DCAF7: variants seen among roughly 807,000 people sequenced by gnomAD.
DCAF7 encodes DDB1- and CUL4-associated factor 7.
Under a neutral mutation model 41.2 loss-of-function variants are expected in DCAF7, and 4 were observed. That is an observed-to-expected ratio of 0.10 (90% CI 0.05 to 0.22). DCAF7 has a LOEUF of 0.22. Among genes scored for constraint, DCAF7 ranks in the 10% least tolerant of loss-of-function variants. The probability of loss-of-function intolerance (pLI) is 1.00; values close to 1 mark genes in which losing one functional copy is unlikely to be tolerated. For synonymous variants in DCAF7, 143 were observed against 164.2 expected (o/e 0.87, Z 0.99); for missense variants, 131 against 443.2 (o/e 0.30, Z 6.32).
intron 1 of DCAF7, among the ~76,000 whole-genome samples, chr17:63,571,811 G>A (rs150879774): frequency 3.6e-4 from 55 of 152,030 alleles, no homozygotes; most frequent in African/African-American, 1.3e-3. Flanking sequence ...ATCACCAGGG[G>A]TGATGAATTC....
intron 6 of DCAF7, among the ~76,000 whole-genome samples, chr17:63,588,542 C>T (rs2033701814): frequency 6.6e-6 from 1 of 151,954 alleles, no homozygotes; most frequent in Non-Finnish European, 1.5e-5. Flanking sequence ...CTTTATCAGT[C>T]TTCTATATAA....
chr17:63,590,933 C>T lies in DCAF7; in HGVS notation c.*1761C>T, dbSNP rs368450553. 1 of 152,168 alleles carries T rather than the reference C, an allele frequency of 6.6e-6. No individual in the cohort carries two copies. Among genetic ancestry groups the T allele is most frequent in the Non-Finnish European group, 1.5e-5 (1 of 68,026 alleles). 9.4% of individuals were successfully genotyped at this position (152,168 alleles called of 1,614,324 possible). On this transcript the variant is annotated 3_prime_UTR_variant, in exon 7 of 7. Coordinates refer to ENST00000614556, the MANE Select transcript of DCAF7 (RefSeq NM_005828.5). Reference sequence around the variant, plus strand: ...GGGACCTGTCCCAAAGAAAAAGGCTCTTTTTTTAGCCAGCATATTTCCCCT... The same window carrying T: ...GGGACCTGTCCCAAAGAAAAAGGCTTTTTTTTTAGCCAGCATATTTCCCCT...
intron 1 of DCAF7, among the ~76,000 whole-genome samples, chr17:63,577,957 G>A (rs2147773617): frequency 6.6e-6 from 1 of 152,300 alleles, no homozygotes; most frequent in Middle Eastern, 3.4e-3. Context: ...AGTGTTGAGT[G>A]TAACCACCCC....
chr17:63,559,421 GTA>G (rs759733619), intron 1 of DCAF7, among the ~76,000 whole-genome samples: 650 of 64,692 alleles, frequency 0.01, 21 homozygotes, highest in Middle Eastern at 0.043. Context: ...ATATATATAC[GTA>G]TATATATATG....
intron 1 of DCAF7, chr17:63,573,137 G>A (rs1478257918): frequency 6.6e-6 from 1 of 151,984 alleles, no homozygotes; most frequent in Non-Finnish European, 1.5e-5. Flanking sequence ...TGTTGTTGTT[G>A]TGTGGGTACA....
chr17:63,585,872 A>G (rs534422783), intron 6 of DCAF7, among the ~76,000 whole-genome samples: 9 of 152,326 alleles, frequency 5.9e-5, no homozygotes, highest in Middle Eastern at 3.4e-3. Context: ...CTGTAATCCC[A>G]GCACTTTGGG....
chr17:63,550,493 C>G lies in DCAF7; in HGVS notation c.-185C>G. 1.9e-5 allele frequency: 18 copies of G among 967,984 alleles called. No individual in the cohort carries two copies. The highest frequency in any genetic ancestry group is 2.0e-5 in the Non-Finnish European group (14 of 688,798). The allele number at this position is 967,984 out of a possible 1,614,324, so 60.0% of individuals were successfully genotyped here. A position where few individuals can be genotyped will look rare whatever the true frequency, so the allele number is the denominator to read the frequency against. The stretch of plus-strand genomic sequence containing the variant: ...AAGGTGGTTGTCGTCCGTTCCCAAG[C>G]TGGTTTGAAACTAGGGGTCGGGCTC... On this transcript the variant is annotated 5_prime_UTR_variant, in exon 1 of 7. Coordinates refer to ENST00000614556, the MANE Select transcript of DCAF7 (RefSeq NM_005828.5). This position sits in a 1 kb window ranked among gnomAD's most constrained non-coding sequence, Gnocchi z 4.8.
chr17:63,587,012 A>T (rs995165240), intron 6 of DCAF7, among the ~76,000 whole-genome samples: 2 of 151,930 alleles, frequency 1.3e-5, no homozygotes, highest in African/African-American at 4.8e-5. Flanking sequence ...CCCAAATACA[A>T]CTATATACTT....
Position 63,593,733 on chromosome 17 carries a change from A to C in DCAF7, c.*4561A>C, listed in dbSNP as rs1182450157. 1 of 152,622 alleles carries C rather than the reference A, an allele frequency of 6.6e-6. No individual in the cohort carries two copies. Among genetic ancestry groups the C allele is most frequent in the Non-Finnish European group, 1.5e-5 (1 of 68,050 alleles). 9.5% of individuals were successfully genotyped at this position (152,622 alleles called of 1,614,324 possible). On this transcript the variant is annotated 3_prime_UTR_variant, in exon 7 of 7. Coordinates refer to ENST00000614556, the MANE Select transcript of DCAF7 (RefSeq NM_005828.5). ...ACTTGCTTTGGTTCCTGTGTATTTT[A>C]CTACCCCTCTTGTCAGTGACCTTCC... is the stretch of plus-strand genomic sequence containing the variant.
At chr17:63,586,488 G>T (rs1259085739) in intron 6 of DCAF7, among the ~76,000 whole-genome samples, 2 of 151,972 alleles carry the variant, frequency 1.3e-5, no homozygotes, top group Non-Finnish European at 2.9e-5. Flanking sequence ...AAGAAAGGCT[G>T]GGTGCAGTGG....
chr17:63,585,461 T>C, intron 6 of DCAF7, 133 bp downstream of exon 6: 1 of 761,968 alleles, frequency 1.3e-6, no homozygotes, highest in Non-Finnish European at 2.1e-6. Flanking sequence ...AGTTGGAGCC[T>C]CTCCACACTT....
At chr17:63,570,760 A>G (rs1163327949) in intron 1 of DCAF7, among the ~76,000 whole-genome samples, 1 of 152,258 alleles carries the variant, frequency 6.6e-6, no homozygotes, top group African/African-American at 2.4e-5. Flanking sequence ...GATTAAATAC[A>G]TTGTAATTTG....
At chr17:63,553,141 G>A (rs1288073821) in intron 1 of DCAF7, among the ~76,000 whole-genome samples, 1 of 152,184 alleles carries the variant, frequency 6.6e-6, no homozygotes, top group Non-Finnish European at 1.5e-5. Flanking sequence ...TTTTAAAGTG[G>A]TGATGTAGTC....
At chr17:63,566,828 C>T (rs572223101) in intron 1 of DCAF7, among the ~76,000 whole-genome samples, 11 of 152,096 alleles carry the variant, frequency 7.2e-5, no homozygotes, top group Non-Finnish European at 1.6e-4. Context: ...GCAGGAGGAT[C>T]GCCTGAGCCT....
At chr17:63,559,177 G>C (rs529187486) in intron 1 of DCAF7, among the ~76,000 whole-genome samples, 1 of 151,050 alleles carries the variant, frequency 6.6e-6, no homozygotes. Flanking sequence ...CAGGCATGGT[G>C]GTGGGCACCT....
intron 6 of DCAF7, among the ~76,000 whole-genome samples, chr17:63,586,652 C>T (rs1232640038): frequency 6.6e-6 from 1 of 151,590 alleles, no homozygotes; most frequent in Non-Finnish European, 1.5e-5. Context: ...GTCCCAGCTA[C>T]TCGGGAGGCT....
intron 1 of DCAF7, among the ~76,000 whole-genome samples, chr17:63,563,814 C>CAAAT (rs138884947): frequency 0.041 from 6,151 of 148,672 alleles, 230 homozygotes; most frequent in Admixed American, 0.12. Flanking sequence ...GATTCTGTCT[C>CAAAT]AAATAAATAA....
chr17:63,564,813 T>C (rs1202594495), intron 1 of DCAF7, among the ~76,000 whole-genome samples: 2 of 152,032 alleles, frequency 1.3e-5, no homozygotes, highest in Non-Finnish European at 2.9e-5. Flanking sequence ...AGCTAGTGAG[T>C]GGTGGGGACA....
At chr17:63,569,494 C>G (rs2033482014) in intron 1 of DCAF7, among the ~76,000 whole-genome samples, 2 of 152,138 alleles carry the variant, frequency 1.3e-5, no homozygotes, top group African/African-American at 4.8e-5. Flanking sequence ...ACAGTACCAC[C>G]AGGCCTGATC....
Sources: gnomAD v4.1 joint callset for allele counts (sites outside exome capture counted in the v4.1 genomes callset) on GRCh38, gnomAD v4.1.1 for gene constraint, Gnocchi (gnomAD v3.1) non-coding constraint, MANE v1.5 for transcripts, NCBI Gene and HGNC (gene_info 2026-07-23, HGNC 2026-07-21) for gene names.